CFAP20DC: variants seen among roughly 807,000 people sequenced by gnomAD.
The protein encoded by CFAP20DC is CFAP20 domain containing.
CFAP20DC carries 84 observed loss-of-function variants against 101.7 expected under a neutral mutation model. The observed-to-expected ratio is 0.83, with a 90% CI of 0.69 to 0.99. CFAP20DC has a LOEUF of 0.99. Among genes scored for constraint, CFAP20DC ranks in the 50% least tolerant of loss-of-function variants. CFAP20DC has a pLI of 0.00. For missense variants in CFAP20DC, 1,007 were observed against 970.3 expected, an observed-to-expected ratio of 1.04 and a Z score of -0.50; for synonymous variants, 359 against 351.2, an observed-to-expected ratio of 1.02 and a Z score of -0.25.
chr3:58,946,560 C>T (rs893342875), intron 4 of CFAP20DC, among the ~76,000 whole-genome samples: 6 of 152,208 alleles, frequency 3.9e-5, no homozygotes, highest in African/African-American at 1.4e-4. Context: ...ATTCAGGGAC[C>T]TCCAAATTCT....
chr3:58,977,487 C>T (rs963796018), intron 4 of CFAP20DC, among the ~76,000 whole-genome samples: 2 of 152,124 alleles, frequency 1.3e-5, no homozygotes, highest in African/African-American at 2.4e-5. Context: ...TTTTAGAAAA[C>T]ACTGAGGTAA....
intron 15 of CFAP20DC, among the ~76,000 whole-genome samples, chr3:58,762,122 A>T (rs565892432): frequency 6.6e-6 from 1 of 152,170 alleles, no homozygotes; most frequent in Admixed American, 6.5e-5. Context: ...GATCTGTCTA[A>T]TGTTGACAGT....
intron 15 of CFAP20DC, among the ~76,000 whole-genome samples, chr3:58,777,273 T>A (rs2071418660): frequency 6.6e-6 from 1 of 152,184 alleles, no homozygotes. Flanking sequence ...TGTCTTCCCT[T>A]TTTGGACGCA....
chr3:58,890,923 C>T (rs1324212244), intron 6 of CFAP20DC, among the ~76,000 whole-genome samples: 46 of 140,668 alleles, frequency 3.3e-4, no homozygotes, highest in Non-Finnish European at 3.1e-4. Context: ...CGGGCGGAGA[C>T]GCTCCTCACT....
Position 58,731,807 on chromosome 3 carries a change from C to T in CFAP20DC, c.198-14179G>A, listed in dbSNP as rs145996014. Among the ~76,000 whole-genome samples the T allele has an allele frequency of 4.7e-3, 718 of 152,218 alleles. 5 individuals carry two copies. The highest frequency in any genetic ancestry group is 0.017 in the African/African-American group (693 of 41,536). ...GCTAACAACTAAGCAGGAAGAAAGG[C>T]GCCATGATTAATGCTCCATCTATTA... is the stretch of plus-strand genomic sequence containing the variant. On this transcript the variant is annotated intron_variant, in intron 3 of 3. Transcript: ENST00000486145.
intron 15 of CFAP20DC, among the ~76,000 whole-genome samples, chr3:58,769,616 C>G: frequency 6.6e-6 from 1 of 151,926 alleles, no homozygotes; most frequent in African/African-American, 2.4e-5. Context: ...CTGAGAGTGG[C>G]GGGAGGAATA....
intron 5 of CFAP20DC, among the ~76,000 whole-genome samples, chr3:58,926,287 A>T (rs1269553321): frequency 6.6e-6 from 1 of 151,846 alleles, no homozygotes; most frequent in East Asian, 1.9e-4. Flanking sequence ...AATTGTTTGA[A>T]CCTGAGAGGC....
intron 4 of CFAP20DC, among the ~76,000 whole-genome samples, chr3:58,993,516 G>A (rs573494869): frequency 5.6e-4 from 85 of 152,126 alleles, no homozygotes; most frequent in African/African-American, 1.8e-3. Flanking sequence ...TTGCTGCACA[G>A]AACATCCCAT....
At chr3:58,963,214 G>GTT (rs1448144961) in intron 4 of CFAP20DC, among the ~76,000 whole-genome samples, 4 of 145,668 alleles carry the variant, frequency 2.7e-5, no homozygotes, top group Admixed American at 1.3e-4. Flanking sequence ...GTGTGTGTGT[G>GTT]TGTGTGTGTG....
rs1326192655 is a variant in CFAP20DC, at chr3:58,821,719, C to T, written c.2175+9967G>A. ...CTGGGACTGTAAACTAGTTCAACCA[C>T]TGTGGAAGTCAGTGTGGCGATTCCT... On this transcript the variant is annotated intron_variant, in intron 14 of 16. Coordinates refer to ENST00000482387, the MANE Select transcript of CFAP20DC (RefSeq NM_001394063.1). Among the ~76,000 whole-genome samples, 322 of 149,276 alleles carry T rather than the reference C, an allele frequency of 2.2e-3. 1 individual carries two copies. Among genetic ancestry groups the T allele is most frequent in the African/African-American group, 7.6e-3 (299 of 39,182 alleles).
At chr3:58,888,970 A>G (rs1037086356) in intron 6 of CFAP20DC, among the ~76,000 whole-genome samples, 8 of 149,146 alleles carry the variant, frequency 5.4e-5, no homozygotes, top group Non-Finnish European at 7.4e-5. Context: ...TTTCTCCACA[A>G]CCTCACCAGC....
chr3:58,890,154 C>T (rs1233357149), intron 6 of CFAP20DC, among the ~76,000 whole-genome samples: 6 of 150,118 alleles, frequency 4.0e-5, no homozygotes, highest in East Asian at 2.0e-4. Context: ...CCTCACCTCC[C>T]GGACGGGGCG....
chr3:58,805,703 T>G (rs984420443), intron 15 of CFAP20DC, among the ~76,000 whole-genome samples: 5 of 152,182 alleles, frequency 3.3e-5, no homozygotes, highest in African/African-American at 1.2e-4. Context: ...TAATACTAAT[T>G]TATATGGATA....
At chr3:58,951,053 C>T (rs1273389948) in intron 4 of CFAP20DC, among the ~76,000 whole-genome samples, 5 of 151,822 alleles carry the variant, frequency 3.3e-5, no homozygotes, top group African/African-American at 1.2e-4. Context: ...TGAACTCAAA[C>T]AAATTTACAA....
intron 5 of CFAP20DC, among the ~76,000 whole-genome samples, chr3:58,930,572 C>G (rs1305370989): frequency 6.6e-6 from 1 of 152,180 alleles, no homozygotes; most frequent in African/African-American, 2.4e-5. Flanking sequence ...GGGAGAATAG[C>G]TGAACATGTA....
intron 4 of CFAP20DC, among the ~76,000 whole-genome samples, chr3:58,970,191 G>A (rs1413570311): frequency 1.3e-5 from 2 of 152,196 alleles, no homozygotes; most frequent in East Asian, 1.9e-4. Context: ...GTTAGTCATT[G>A]TGGGTTGAAC....
rs542833371 is a variant in CFAP20DC, at chr3:58,817,001, A to T, written c.2176-10545T>A. On this transcript the variant is annotated intron_variant, in intron 14 of 16. Transcript: ENST00000482387. ...CTGGCCCCTGACCCCCGAGCAGCCT[A>T]ACTGGGAGGCACCCCCCAGCAGCAG... Among the ~76,000 whole-genome samples the T allele has an allele frequency of 1.2e-4, 18 of 152,292 alleles. No homozygotes were observed. In the East Asian group the frequency reaches 3.5e-3, roughly 29 times the overall value.
Position 58,863,815 on chromosome 3 carries a change from C to T in CFAP20DC, c.1336G>A (p.Asp446Asn). ...SSRQSLLLGDDSCNPSHLWLE... is the reference protein window; with the variant it reads ...SSRQSLLLGDNSCNPSHLWLE... Reference sequence around the variant, plus strand: ...CACAGGTGTGATGGGTTGCAGGAGTCATCACCCAGAAGTAGAGACTGTCTG... The same window carrying T: ...CACAGGTGTGATGGGTTGCAGGAGTTATCACCCAGAAGTAGAGACTGTCTG... The change falls in exon 12 of 17, where the codon GAC (aspartate) becomes AAC (asparagine). Residue 446 changes from aspartate (D) to asparagine (N), a missense_variant. Physicochemically the swap from Asp to Asn is conservative, Grantham distance 23. Transcript: ENST00000482387. The surrounding 1 kb of genome is among the most constrained non-coding windows in gnomAD (Gnocchi z 5.9). The T allele has an allele frequency of 6.2e-7, 1 of 1,614,214 alleles. No individual in the cohort carries two copies. Among genetic ancestry groups the T allele is most frequent in the Non-Finnish European group, 8.5e-7 (1 of 1,180,054 alleles).
chr3:58,968,481 CAT>C (rs1207585352), intron 4 of CFAP20DC, among the ~76,000 whole-genome samples: 1 of 151,992 alleles, frequency 6.6e-6, no homozygotes, highest in East Asian at 1.9e-4. Context: ...AGCTTTTTTT[CAT>C]ATGTTTATTG....
Sources: gnomAD v4.1 joint callset for allele counts (sites outside exome capture counted in the v4.1 genomes callset) on GRCh38, gnomAD v4.1.1 for gene constraint, Gnocchi (gnomAD v3.1) non-coding constraint, MANE v1.5 for transcripts, NCBI Gene and HGNC (gene_info 2026-07-23, HGNC 2026-07-21) for gene names.